MARCHF8: variants seen among roughly 807,000 people sequenced by gnomAD.
MARCHF8 encodes the protein membrane associated ring-CH-type finger 8, also known as E3 ubiquitin-protein ligase MARCHF8.
Under a neutral mutation model 51.6 loss-of-function variants are expected in MARCHF8, and 40 were observed. The observed-to-expected ratio is 0.77, with a 90% CI of 0.60 to 1.01. MARCHF8 has a LOEUF of 1.01. MARCHF8 is among the 50% of genes least tolerant of loss of function. The pLI is 0.00. For missense variants in MARCHF8, 685 were observed against 708.6 expected (o/e 0.97, Z 0.38); for synonymous variants, 263 against 280.3 (o/e 0.94, Z 0.62).
intron 1 of MARCHF8, among the ~76,000 whole-genome samples, chr10:45,542,408 GAACT>G (rs914587222): frequency 3.4e-5 from 5 of 146,402 alleles, no homozygotes; most frequent in African/African-American, 1.0e-4. Context: ...AACCTGACCT[GAACT>G]AACAGGAAGC....
intron 2 of MARCHF8, 30 bp from the exon 3 acceptor site, chr10:45,489,447 T>C (rs1430827487): frequency 6.4e-7 from 1 of 1,572,962 alleles, no homozygotes; most frequent in East Asian, 2.2e-5. Context: ...GTTTTAATTA[T>C]CAATCTTTGA....
intron 2 of MARCHF8, among the ~76,000 whole-genome samples, chr10:45,527,902 C>T (rs1344168219): frequency 1.3e-5 from 2 of 152,094 alleles, no homozygotes; most frequent in Non-Finnish European, 2.9e-5. Context: ...ACATGGTACA[C>T]CACAATCAAG....
chr10:45,489,599 A>G (rs189584674), intron 2 of MARCHF8, among the ~76,000 whole-genome samples, 182 bp from the exon 3 acceptor site: 3 of 152,328 alleles, frequency 2.0e-5, no homozygotes, highest in Admixed American at 2.0e-4. Context: ...GGGCAAAATG[A>G]ATACACAATA....
Position 45,461,255 on chromosome 10 carries a change from C to A in MARCHF8, c.1245G>T (p.Glu415Asp). The change falls in exon 6 of 8, where the codon GAG (glutamate) becomes GAT (aspartate). Residue 415 changes from glutamate to aspartate, a missense_variant. Glu to Asp is a conservative substitution (Grantham distance 45, BLOSUM62 2). Coordinates refer to ENST00000453424, the MANE Select transcript of MARCHF8 (RefSeq NM_001282866.2). ...CELCKYEFIM[E>D]TKLKPLRKWE... ...CTTTTCTCAGTGGCTTCAGCTTGGTCTCCATGATGAACTCATACTTGCAGA... is the reference window on the plus strand; with the variant it reads ...CTTTTCTCAGTGGCTTCAGCTTGGTATCCATGATGAACTCATACTTGCAGA... 1 of 1,550,578 alleles carries A rather than the reference C, an allele frequency of 6.4e-7. No homozygotes were observed. The highest frequency in any genetic ancestry group is 1.2e-5 in the South Asian group (1 of 83,814).
upstream of MARCHF8, among the ~76,000 whole-genome samples, chr10:45,538,337 CA>C (rs2044003399): frequency 6.6e-6 from 1 of 152,184 alleles, no homozygotes; most frequent in South Asian, 2.1e-4. Context: ...TGGAAAGGAA[CA>C]ACTGGCACCA....
Position 45,576,974 on chromosome 10 carries a change from G to GAA in MARCHF8, c.-79+17259_-79+17260dup, listed in dbSNP as rs58593536. On this transcript the variant is annotated intron_variant, in intron 1 of 6. Transcript: ENST00000319836. ...TCTGTCTCTAAACAAAAAGAGAAAA[G>GAA]AAAAAAAAAAAAAAAAGAAACTTAA... Among the ~76,000 whole-genome samples the GAA allele has an allele frequency of 6.7e-3, 810 of 120,384 alleles. 6 individuals carry two copies. Among genetic ancestry groups the GAA allele is most frequent in the African/African-American group, 0.018 (582 of 32,788 alleles). The allele number at this position is 120,384 out of a possible 152,430, so 79.0% of individuals were successfully genotyped here. A position where few individuals can be genotyped will look rare whatever the true frequency, so the allele number is the denominator to read the frequency against.
At chr10:45,557,569 A>C (rs1343701283) in intron 1 of MARCHF8, among the ~76,000 whole-genome samples, 1 of 152,210 alleles carries the variant, frequency 6.6e-6, no homozygotes, top group Non-Finnish European at 1.5e-5. Context: ...AATAGAAAAC[A>C]ACCAGTCCTT....
intron 2 of MARCHF8, among the ~76,000 whole-genome samples, chr10:45,526,235 T>G (rs2043791382): frequency 6.6e-6 from 1 of 151,914 alleles, no homozygotes; most frequent in African/African-American, 2.4e-5. Flanking sequence ...GGAATTCAAC[T>G]GAAAAGCAAC....
At chr10:45,532,670 G>T (rs1358890922) in intron 2 of MARCHF8, among the ~76,000 whole-genome samples, 1 of 152,206 alleles carries the variant, frequency 6.6e-6, no homozygotes, top group Non-Finnish European at 1.5e-5. Flanking sequence ...CCAGCCTCCA[G>T]AACTGTGAGA....
chr10:45,513,920 A>G (rs2043577443), intron 2 of MARCHF8, among the ~76,000 whole-genome samples: 2 of 152,236 alleles, frequency 1.3e-5, no homozygotes, highest in African/African-American at 4.8e-5. Flanking sequence ...CACTTCCTCT[A>G]GAAAATAGCA....
At chr10:45,548,277 T>C (rs2044151788) in intron 1 of MARCHF8, among the ~76,000 whole-genome samples, 1 of 152,134 alleles carries the variant, frequency 6.6e-6, no homozygotes, top group African/African-American at 2.4e-5. Flanking sequence ...TGAAAGGCAG[T>C]GTATGCAATT....
At chr10:45,488,021 T>C (rs1047461133) in intron 3 of MARCHF8, among the ~76,000 whole-genome samples, 14 of 152,102 alleles carry the variant, frequency 9.2e-5, no homozygotes, top group African/African-American at 2.9e-4. Flanking sequence ...CCAGAGTCAA[T>C]GTGTGGGCTG....
chr10:45,572,465 T>C (rs2044441695), intron 1 of MARCHF8, among the ~76,000 whole-genome samples: 2 of 152,182 alleles, frequency 1.3e-5, no homozygotes, highest in South Asian at 4.1e-4. Context: ...TCTGCAATAT[T>C]TTCTTCTGCA....
At chr10:45,472,991 A>G (rs1476649837) in intron 3 of MARCHF8, among the ~76,000 whole-genome samples, 2 of 152,240 alleles carry the variant, frequency 1.3e-5, no homozygotes, top group East Asian at 1.9e-4. Flanking sequence ...TTTGTAACCC[A>G]TAAGTTTTGA....
At chr10:45,517,000 T>C (rs2043630673) in intron 2 of MARCHF8, among the ~76,000 whole-genome samples, 1 of 152,180 alleles carries the variant, frequency 6.6e-6, no homozygotes, top group African/African-American at 2.4e-5. Context: ...GGCTCACCCT[T>C]TGGCCTGCAG....
At chr10:45,462,904 G>C (rs957753370) in intron 5 of MARCHF8, among the ~76,000 whole-genome samples, 3 of 152,178 alleles carry the variant, frequency 2.0e-5, no homozygotes, top group African/African-American at 7.2e-5. Context: ...GGGATTACAG[G>C]CGTGAGCCAC....
chr10:45,512,067 C>T (rs537972622), intron 2 of MARCHF8, among the ~76,000 whole-genome samples: 6 of 150,228 alleles, frequency 4.0e-5, no homozygotes, highest in South Asian at 2.1e-4. Flanking sequence ...GGCCGCCCAT[C>T]GCCTGAGATG....
At chr10:45,552,059 G>A (rs2044201781) in intron 1 of MARCHF8, among the ~76,000 whole-genome samples, 1 of 152,018 alleles carries the variant, frequency 6.6e-6, no homozygotes, top group Non-Finnish European at 1.5e-5. Context: ...ATTCCCTACG[G>A]TGTTCCATAC....
intron 3 of MARCHF8, among the ~76,000 whole-genome samples, chr10:45,469,224 G>A (rs1474698441): frequency 2.0e-5 from 3 of 152,154 alleles, no homozygotes; most frequent in Admixed American, 6.5e-5. Context: ...TCAGGAGGGA[G>A]ACCAGGGAAC....
Sources: allele counts gnomAD v4.1 joint callset (sites outside exome capture counted in the v4.1 genomes callset), GRCh38; gene constraint gnomAD v4.1.1; transcripts MANE v1.5; gene names NCBI Gene and HGNC (gene_info 2026-07-23, HGNC 2026-07-21).